BANP: variants seen among roughly 807,000 people sequenced by gnomAD.
The protein encoded by BANP is protein BANP.
Under a neutral mutation model 68.1 loss-of-function variants are expected in BANP, and 11 were observed. The observed-to-expected ratio is 0.16, with a 90% CI of 0.10 to 0.27. The LOEUF (loss-of-function observed/expected upper bound fraction) is 0.27, where lower values mean the gene tolerates loss of function less well. Ranked by LOEUF, BANP falls within the 10% of genes least tolerant of loss-of-function variation. The pLI is 1.00. For missense variants in BANP, 504 were observed against 722.7 expected (o/e 0.70, Z 3.47); for synonymous variants, 329 against 303.2 (o/e 1.09, Z -0.88).
Position 88,076,737 on chromosome 16 carries a change from C to G in BANP, c.*76C>G. The G allele has an allele frequency of 7.9e-7, 1 of 1,258,162 alleles. No homozygotes were observed. Among genetic ancestry groups the G allele is most frequent in the East Asian group, 2.5e-5 (1 of 39,380 alleles). 77.9% of individuals were successfully genotyped at this position (1,258,162 alleles called of 1,614,324 possible). A position where few individuals can be genotyped will look rare whatever the true frequency, so the allele number is the denominator to read the frequency against. On this transcript the variant is annotated 3_prime_UTR_variant, in exon 14 of 14. Coordinates refer to ENST00000682872, the MANE Select transcript of BANP (RefSeq NM_001386991.1). ...CCCCCACGCGCCCTGCTCTCACGGCCTCGGCACAGGCAGCGGCTGCACGTG... is the reference window on the plus strand; with the variant it reads ...CCCCCACGCGCCCTGCTCTCACGGCGTCGGCACAGGCAGCGGCTGCACGTG...
chr16:88,027,786 C>G (rs376928761), intron 8 of BANP, 136 bp downstream of exon 8: 1 of 1,071,130 alleles, frequency 9.3e-7, no homozygotes, highest in Admixed American at 2.8e-5. Context: ...TTGCGCGGTG[C>G]GCACGGAGCA....
intron 6 of BANP, among the ~76,000 whole-genome samples, chr16:88,010,804 A>T (rs2072875340): frequency 1.3e-5 from 2 of 152,262 alleles, no homozygotes. Context: ...CTCGCAGTCC[A>T]TGGAATGCCA....
chr16:88,032,625 A>G (rs1445571821), intron 8 of BANP, among the ~76,000 whole-genome samples: 1 of 152,258 alleles, frequency 6.6e-6, no homozygotes, highest in African/African-American at 2.4e-5. Flanking sequence ...GTTTAAGAAA[A>G]TTATGATTGA....
At chr16:88,022,968 G>A (rs370638920) in intron 7 of BANP, among the ~76,000 whole-genome samples, 41 of 152,330 alleles carry the variant, frequency 2.7e-4, no homozygotes, top group African/African-American at 9.4e-4. Context: ...GGACCAGGAC[G>A]TGAGTTTTGT....
At chr16:88,020,941 CTG>C in intron 7 of BANP, among the ~76,000 whole-genome samples, 1 of 152,302 alleles carries the variant, frequency 6.6e-6, no homozygotes, top group South Asian at 2.1e-4. Flanking sequence ...GTGGCTGTGT[CTG>C]TATTCAGGGA....
intron 4 of BANP, among the ~76,000 whole-genome samples, chr16:87,985,387 T>C (rs909322509): frequency 1.3e-5 from 2 of 152,194 alleles, no homozygotes; most frequent in African/African-American, 4.8e-5. Context: ...GCACAAATGC[T>C]GTCACTCACG....
chr16:88,072,728 G>A lies in BANP; in HGVS notation c.1521+516G>A, dbSNP rs149978168. Among the ~76,000 whole-genome samples, 3 of 152,330 alleles carry A rather than the reference G, an allele frequency of 2.0e-5. No homozygotes were observed. In the East Asian group the frequency reaches 5.8e-4, roughly 29 times the overall value. ...GGCAGAAGCCCCCGAGGGTGAGGCC[G>A]TGCCGAAATCTCCAGCGTGGCCGAG... On this transcript the variant is annotated intron_variant, in intron 13 of 13. Transcript: ENST00000682872.
chr16:88,070,546 C>T (rs1187807720), intron 12 of BANP, among the ~76,000 whole-genome samples: 2 of 152,094 alleles, frequency 1.3e-5, no homozygotes, highest in African/African-American at 4.8e-5. Flanking sequence ...CTGGTGTGCT[C>T]GCAAGTCGTG....
chr16:88,071,445 C>T lies in BANP; in HGVS notation c.1378-624C>T, dbSNP rs1359248147. On this transcript the variant is annotated intron_variant, in intron 12 of 13. Transcript: ENST00000682872. The surrounding 1 kb of genome is among the most constrained non-coding windows in gnomAD (Gnocchi z 6.5). ...CCTCGCCTGTCCCCCATTCTCATTC[C>T]ATACTCTGGGAGGCGGTACAAGGTC... 1 of 456,194 alleles carries T rather than the reference C, an allele frequency of 2.2e-6. No homozygotes were observed. The highest frequency in any genetic ancestry group is 2.3e-5 in the Admixed American group (1 of 42,570). 28.3% of individuals were successfully genotyped at this position (456,194 alleles called of 1,614,324 possible). A position where few individuals can be genotyped will look rare whatever the true frequency, so the allele number is the denominator to read the frequency against.
At chr16:88,041,961 C>T (rs185109631) in intron 11 of BANP, among the ~76,000 whole-genome samples, 17 of 152,212 alleles carry the variant, frequency 1.1e-4, no homozygotes, top group African/African-American at 1.7e-4. Context: ...GGGTGAGAGA[C>T]GCAGTAGGAG....
At chr16:88,054,927 C>T (rs956662081) in intron 11 of BANP, among the ~76,000 whole-genome samples, 1 of 152,068 alleles carries the variant, frequency 6.6e-6, no homozygotes, top group Non-Finnish European at 1.5e-5. Context: ...AACTCTGTTC[C>T]TAGGGGGTAT....
chr16:88,076,468 C>T (rs771160745), intron 13 of BANP, 122 bp from the exon 14 acceptor site: 3 of 801,676 alleles, frequency 3.7e-6, no homozygotes, highest in Admixed American at 2.9e-5. Flanking sequence ...CGTCAGGGCT[C>T]CTTCGCGCTC....
intron 4 of BANP, among the ~76,000 whole-genome samples, chr16:87,998,021 G>T (rs1008836039): frequency 2.0e-5 from 3 of 152,166 alleles, no homozygotes; most frequent in Admixed American, 1.3e-4. Context: ...TTCTGCTCTG[G>T]GTCGGGATTC....
intron 1 of BANP, chr16:87,960,119 C>G (rs2058862462): frequency 1.3e-5 from 2 of 152,474 alleles, no homozygotes; most frequent in African/African-American, 4.8e-5. Context: ...GCACACCAGC[C>G]AAACCTCCTG....
At position 88,031,714 on chromosome 16, in the gene BANP, G is replaced by C. The variant is rs139433067; in HGVS notation, c.1064-1395G>C. Among the ~76,000 whole-genome samples the C allele has an allele frequency of 1.0e-3, 157 of 151,622 alleles. 3 individuals carry two copies. The East Asian group carries it at 0.029, about 28-fold the overall frequency. ...TAAAAAATGTATTCAGTGGAATCTAGGTACTATGGCAATTTAATACCTACC... is the reference window on the plus strand; with the variant it reads ...TAAAAAATGTATTCAGTGGAATCTACGTACTATGGCAATTTAATACCTACC... On this transcript the variant is annotated intron_variant, in intron 8 of 13. Transcript: ENST00000682872.
In BANP at chr16:87,986,722, G is replaced by A. The variant is rs116775356; in HGVS notation, c.362+2463G>A. ...AATCCCCCATGCTTCCCTCTGCTGGGGGCAAATGATATCATTCACAGACCT... is the reference window on the plus strand; with the variant it reads ...AATCCCCCATGCTTCCCTCTGCTGGAGGCAAATGATATCATTCACAGACCT... On this transcript the variant is annotated intron_variant, in intron 4 of 13. Transcript: ENST00000682872. Among the ~76,000 whole-genome samples the A allele has an allele frequency of 7.1e-3, 1,077 of 152,216 alleles. 11 individuals carry two copies. The highest frequency in any genetic ancestry group is 0.024 in the African/African-American group (1,005 of 41,520).
At chr16:88,026,016 G>T (rs1028524811) in intron 7 of BANP, among the ~76,000 whole-genome samples, 3 of 152,218 alleles carry the variant, frequency 2.0e-5, no homozygotes, top group Non-Finnish European at 2.9e-5. Context: ...AAGTGGCCGG[G>T]CGTGCAGTGG....
chr16:88,053,623 A>C (rs1410311352), intron 11 of BANP, among the ~76,000 whole-genome samples: 1 of 136,940 alleles, frequency 7.3e-6, no homozygotes. Flanking sequence ...TACCACCCCC[A>C]CCTCCTTCAC....
In BANP at chr16:87,975,201, A is replaced by G. The variant is rs561703947; in HGVS notation, c.70+16A>G. The stretch of plus-strand genomic sequence containing the variant: ...GACCACCCAGGTACAGAGCTGTGGG[A>G]CAGTAGGTGAAATATTATTCTCTTT... On this transcript the variant is annotated intron_variant, in intron 2 of 13. Transcript: ENST00000682872. The G allele has an allele frequency of 2.5e-6, 4 of 1,612,844 alleles. No homozygotes were observed. Among genetic ancestry groups the G allele is most frequent in the Non-Finnish European group, 3.4e-6 (4 of 1,178,800 alleles).
Sources: allele counts gnomAD v4.1 joint callset (sites outside exome capture counted in the v4.1 genomes callset), GRCh38; gene constraint gnomAD v4.1.1; non-coding constraint Gnocchi (gnomAD v3.1); transcripts MANE v1.5; gene names NCBI Gene and HGNC (gene_info 2026-07-23, HGNC 2026-07-21).